Variants in RAD51B observed in about 807,000 individuals in gnomAD.
RAD51B encodes the protein RAD51 paralog B, also known as DNA repair protein RAD51 homolog 2.
RAD51B carries 38 observed loss-of-function variants against 42.2 expected under a neutral mutation model. The ratio of observed to expected loss-of-function variants is 0.90; its 90% CI spans 0.70 to 1.18. The LOEUF (loss-of-function observed/expected upper bound fraction) is 1.18, where lower values mean the gene tolerates loss of function less well. Ranked by LOEUF, RAD51B falls within the 50% of genes most tolerant of loss-of-function variation. The pLI, the probability that RAD51B is intolerant of heterozygous loss-of-function variation, is 0.00. For missense variants in RAD51B, 373 were observed against 400.7 expected (o/e 0.93, Z 0.59); for synonymous variants, 154 against 145.2 (o/e 1.06, Z -0.43).
intron 8 of RAD51B, among the ~76,000 whole-genome samples, chr14:68,333,102 G>A (rs1184499365): frequency 6.6e-6 from 1 of 152,194 alleles, no homozygotes; most frequent in African/African-American, 2.4e-5. Flanking sequence ...TTCTGCCTCT[G>A]CATATACTGC....
intron 7 of RAD51B, among the ~76,000 whole-genome samples, chr14:67,922,273 C>G (rs1236316291): frequency 1.3e-5 from 2 of 152,176 alleles, no homozygotes; most frequent in African/African-American, 4.8e-5. Context: ...GGGGAGATAT[C>G]TGAACCTAAT....
chr14:68,671,996 A>G (rs1887427799), intron 11 of RAD51B, among the ~76,000 whole-genome samples: 1 of 152,214 alleles, frequency 6.6e-6, no homozygotes, highest in Admixed American at 6.5e-5. Flanking sequence ...TTGGGTGGAC[A>G]GTGTCCAGCA....
intron 10 of RAD51B, among the ~76,000 whole-genome samples, chr14:68,525,214 G>A (rs1355315796): frequency 6.6e-6 from 1 of 152,182 alleles, no homozygotes; most frequent in East Asian, 1.9e-4. Context: ...GAGGACTGAG[G>A]GCCACCTCTA....
chr14:68,111,460 T>C (rs984329219), intron 7 of RAD51B, among the ~76,000 whole-genome samples: 1 of 152,120 alleles, frequency 6.6e-6, no homozygotes, highest in African/African-American at 2.4e-5. Flanking sequence ...CATGTGGTTG[T>C]GCTGTTACAT....
intron 7 of RAD51B, among the ~76,000 whole-genome samples, chr14:67,952,549 T>C (rs373988429): frequency 1.3e-5 from 2 of 152,052 alleles, no homozygotes; most frequent in East Asian, 1.9e-4. Flanking sequence ...AAGTTTGGCC[T>C]GTCCAAAAAC....
chr14:68,574,916 A>G (rs1181166082), intron 10 of RAD51B, among the ~76,000 whole-genome samples: 7 of 152,190 alleles, frequency 4.6e-5, no homozygotes, highest in African/African-American at 1.4e-4. Flanking sequence ...AAATAAGCCC[A>G]GGAGCAAGAG....
intron 7 of RAD51B, among the ~76,000 whole-genome samples, chr14:68,170,493 A>AT (rs2140854759): frequency 6.6e-6 from 1 of 152,258 alleles, no homozygotes; most frequent in East Asian, 1.9e-4. Context: ...AAAGTACTCT[A>AT]TTTTCCTTAT....
At chr14:68,440,510 C>G (rs1293637149) in intron 9 of RAD51B, among the ~76,000 whole-genome samples, 1 of 152,156 alleles carries the variant, frequency 6.6e-6, no homozygotes, top group East Asian at 1.9e-4. Context: ...TCTGGGAGGC[C>G]AAGGCAGGTG....
In RAD51B at chr14:68,259,363, A is replaced by C. The variant is rs1483290155; in HGVS notation, c.757-32521A>C. 7.2e-5 allele frequency among the ~76,000 whole-genome samples: 11 copies of C among 152,174 alleles called. No homozygotes were observed. In the East Asian group the frequency reaches 1.4e-3, roughly 19 times the overall value. On this transcript the variant is annotated intron_variant, in intron 7 of 10. Coordinates refer to ENST00000471583, the MANE Select transcript of RAD51B (RefSeq NM_133510.4). ...TATACCTAATGCTAAATGAGGAGTT[A>C]ATGGGTGCAGCATACCAACATGGCA...
At chr14:67,833,192 A>G (rs2041113969) in intron 3 of RAD51B, among the ~76,000 whole-genome samples, 1 of 152,180 alleles carries the variant, frequency 6.6e-6, no homozygotes, top group Admixed American at 6.5e-5. Context: ...CCTGGCCAAC[A>G]TGGCAAAACC....
At chr14:68,037,242 T>A (rs2076148343) in intron 7 of RAD51B, among the ~76,000 whole-genome samples, 1 of 138,898 alleles carries the variant, frequency 7.2e-6, no homozygotes, top group South Asian at 2.6e-4. Context: ...CTTTTTTTCC[T>A]TTCTTTGTCT....
intron 8 of RAD51B, among the ~76,000 whole-genome samples, chr14:68,325,839 A>G (rs1395242869): frequency 2.0e-5 from 3 of 151,928 alleles, no homozygotes; most frequent in Admixed American, 2.0e-4. Flanking sequence ...TGACCATCCT[A>G]TTGTACCTTA....
downstream of RAD51B, among the ~76,000 whole-genome samples, chr14:68,612,294 G>T (rs1394009281): frequency 6.6e-6 from 1 of 152,228 alleles, no homozygotes; most frequent in Non-Finnish European, 1.5e-5. Context: ...GGCTTGAAAA[G>T]TCTCCTGTTT....
rs554422242 is a variant in RAD51B at position 68,083,283 on chromosome 14, C to T, written c.756+196079C>T. On this transcript the variant is annotated intron_variant, in intron 7 of 10. Transcript: ENST00000471583. ...AATTTCAGCCTGTATCAGATAATTC[C>T]GTTTAGGACACAGCTGGTACATTTA... Among the ~76,000 whole-genome samples, 11 of 152,256 alleles carry T rather than the reference C, an allele frequency of 7.2e-5. No individual in the cohort carries two copies. The East Asian group carries it at 9.6e-4, about 13-fold the overall frequency.
chr14:68,088,737 G>A (rs1242759862), intron 7 of RAD51B, among the ~76,000 whole-genome samples: 1 of 151,926 alleles, frequency 6.6e-6, no homozygotes, highest in Admixed American at 6.6e-5. Context: ...GGGTAATTGT[G>A]CTGGTGTTTT....
intron 7 of RAD51B, among the ~76,000 whole-genome samples, chr14:68,269,703 A>G (rs1476660397): frequency 6.6e-6 from 1 of 152,214 alleles, no homozygotes; most frequent in Admixed American, 6.5e-5. Context: ...AGGTTGTCTT[A>G]GTCTGGTTCT....
chr14:67,852,563 C>G (rs1386914100), intron 4 of RAD51B, among the ~76,000 whole-genome samples: 1 of 152,130 alleles, frequency 6.6e-6, no homozygotes, highest in Non-Finnish European at 1.5e-5. Context: ...TCCAAGAGTA[C>G]AGGGTAGAAA....
At chr14:68,180,216 A>G (rs763022540) in intron 7 of RAD51B, among the ~76,000 whole-genome samples, 4 of 152,146 alleles carry the variant, frequency 2.6e-5, no homozygotes, top group African/African-American at 4.8e-5. Flanking sequence ...CGTGTTTAGA[A>G]TGTCTAGTTT....
intron 8 of RAD51B, among the ~76,000 whole-genome samples, chr14:68,398,563 G>A (rs2083994683): frequency 6.6e-6 from 1 of 152,030 alleles, no homozygotes; most frequent in Admixed American, 6.6e-5. Flanking sequence ...GCTATCAGCC[G>A]CCCCTCCTAC....
Sources: allele counts gnomAD v4.1 joint callset (sites outside exome capture counted in the v4.1 genomes callset), GRCh38; gene constraint gnomAD v4.1.1; transcripts MANE v1.5; gene names NCBI Gene and HGNC (gene_info 2026-07-23, HGNC 2026-07-21).